Variants in CORO2A observed in about 807,000 individuals in gnomAD.
CORO2A encodes coronin 2A.
In CORO2A, 47 loss-of-function variants were observed where a neutral mutation model predicts 62.4. That is an observed-to-expected ratio of 0.75 (90% CI 0.60 to 0.96). CORO2A has a LOEUF of 0.96. Ranked by LOEUF, CORO2A falls within the 40% of genes least tolerant of loss-of-function variation. The probability of loss-of-function intolerance (pLI) is 0.00; values close to 1 mark genes in which losing one functional copy is unlikely to be tolerated. For synonymous variants in CORO2A, 273 were observed against 268.9 expected, an observed-to-expected ratio of 1.02 and a Z score of -0.15; for missense variants, 610 against 684.1, an observed-to-expected ratio of 0.89 and a Z score of 1.21.
chr9:98,184,227 A>AT (rs1228220012), intron 1 of CORO2A, among the ~76,000 whole-genome samples: 1 of 135,826 alleles, frequency 7.4e-6, no homozygotes, highest in Non-Finnish European at 1.5e-5. Context: ...AAATTATTTT[A>AT]TTTTATTTTT....
At chr9:98,166,048 C>T (rs1391502947) in intron 1 of CORO2A, among the ~76,000 whole-genome samples, 2 of 152,208 alleles carry the variant, frequency 1.3e-5, no homozygotes, top group East Asian at 1.9e-4. Context: ...GGAAACACTA[C>T]TTATAAAGTG....
At chr9:98,130,375 C>T (rs1430285077) in intron 7 of CORO2A, among the ~76,000 whole-genome samples, 2 of 152,234 alleles carry the variant, frequency 1.3e-5, no homozygotes, top group Admixed American at 6.5e-5. Context: ...GCATGAGCCA[C>T]TGTGCTGGGC....
chr9:98,130,886 G>A, intron 7 of CORO2A, 69 bp downstream of exon 7: 4 of 1,307,244 alleles, frequency 3.1e-6, no homozygotes, highest in East Asian at 2.5e-5. Flanking sequence ...TGTTCCCAAT[G>A]GCCCCAGGCT....
At chr9:98,165,506 G>T (rs989039248) in intron 1 of CORO2A, among the ~76,000 whole-genome samples, 1 of 152,192 alleles carries the variant, frequency 6.6e-6, no homozygotes, top group Non-Finnish European at 1.5e-5. Context: ...AGCAGGGCTC[G>T]GAGGGGTCAG....
intron 1 of CORO2A, among the ~76,000 whole-genome samples, chr9:98,190,071 G>C (rs1828288293): frequency 6.6e-6 from 1 of 152,102 alleles, no homozygotes; most frequent in Non-Finnish European, 1.5e-5. Flanking sequence ...TTTTAGTACA[G>C]ACAGGATTTC....
chr9:98,172,076 A>C (rs1828044546), intron 1 of CORO2A, among the ~76,000 whole-genome samples: 1 of 151,812 alleles, frequency 6.6e-6, no homozygotes, highest in South Asian at 2.1e-4. Flanking sequence ...GGAGGGAGAG[A>C]ATTCTGAGGC....
chr9:98,191,672 T>C (rs1283008305), intron 1 of CORO2A, among the ~76,000 whole-genome samples: 1 of 152,282 alleles, frequency 6.6e-6, no homozygotes, highest in Middle Eastern at 3.4e-3. Flanking sequence ...ATAGGTCTTC[T>C]TTACCTAGGG....
At chr9:98,127,353 G>T (rs970604843) in intron 10 of CORO2A, among the ~76,000 whole-genome samples, 13 of 152,184 alleles carry the variant, frequency 8.5e-5, no homozygotes, top group Admixed American at 5.9e-4. Flanking sequence ...TGGGGTGGGG[G>T]TGAAGGAAGT....
chr9:98,166,135 T>G (rs1372088165), intron 1 of CORO2A, among the ~76,000 whole-genome samples: 1 of 152,212 alleles, frequency 6.6e-6, no homozygotes, highest in African/African-American at 2.4e-5. Flanking sequence ...GAGAAACATG[T>G]TAACAGCCAC....
At chr9:98,145,272 C>T (rs982718045) in intron 2 of CORO2A, among the ~76,000 whole-genome samples, 1 of 152,166 alleles carries the variant, frequency 6.6e-6, no homozygotes, top group Non-Finnish European at 1.5e-5. Context: ...ATGTTTCCTA[C>T]TTCGAGCCCA....
intron 10 of CORO2A, 112 bp from the exon 11 acceptor site, chr9:98,126,935 T>C (rs1827330400): frequency 8.4e-7 from 1 of 1,188,248 alleles, no homozygotes; most frequent in South Asian, 1.3e-5. Context: ...TGCAGACCCA[T>C]GCAACATGTG....
chr9:98,126,618 C>T lies in CORO2A; in HGVS notation c.1377G>A (p.Glu459=). 6.2e-7 allele frequency: 1 copy of T among 1,614,206 alleles called. No individual in the cohort carries two copies. Among genetic ancestry groups the T allele is most frequent in the East Asian group, 2.2e-5 (1 of 44,886 alleles). The change falls in exon 11 of 12, where the codon GAG becomes GAA. Residue 459 remains glutamate (E), a synonymous_variant. Coordinates refer to ENST00000375077, the MANE Select transcript of CORO2A (RefSeq NM_052820.4). ...MPRWAAEHRL[E]EKKTWLTNGF... ...CATTTGTCAGCCAGGTTTTCTTCTCCTCCAGCCTGTGTTCTGCTGCCCACC... is the reference window on the plus strand; with the variant it reads ...CATTTGTCAGCCAGGTTTTCTTCTCTTCCAGCCTGTGTTCTGCTGCCCACC...
intron 8 of CORO2A, 105 bp from the exon 9 acceptor site, chr9:98,128,824 TC>T: frequency 1.2e-6 from 1 of 852,674 alleles, no homozygotes; most frequent in Non-Finnish European, 1.9e-6. Flanking sequence ...ACCAGTCTCC[TC>T]CCAGAAAACA....
chr9:98,185,092 T>A (rs1828222176), intron 1 of CORO2A, among the ~76,000 whole-genome samples: 1 of 152,144 alleles, frequency 6.6e-6, no homozygotes, highest in African/African-American at 2.4e-5. Context: ...CTACCCTTCA[T>A]AGTCTGGCCG....
At chr9:98,135,072 GCCACCTC>G in intron 3 of CORO2A, 117 bp from the exon 4 acceptor site, 2 of 1,335,828 alleles carry the variant, frequency 1.5e-6, no homozygotes, top group South Asian at 1.4e-5. Context: ...TCTCTCCATA[GCCACCTC>G]CCACTCAGTG....
intron 1 of CORO2A, among the ~76,000 whole-genome samples, chr9:98,189,713 G>C (rs546080384): frequency 6.6e-6 from 1 of 152,238 alleles, no homozygotes; most frequent in African/African-American, 2.4e-5. Flanking sequence ...TGGAATCTAT[G>C]TCTGCTGACT....
chr9:98,180,425 G>A (rs1053813641), intron 1 of CORO2A, among the ~76,000 whole-genome samples: 3 of 151,800 alleles, frequency 2.0e-5, no homozygotes, highest in Non-Finnish European at 2.9e-5. Context: ...CTCACATCAC[G>A]TTTTCATCTC....
intron 1 of CORO2A, among the ~76,000 whole-genome samples, chr9:98,173,642 C>T (rs147556232): frequency 7.2e-5 from 11 of 152,282 alleles, no homozygotes; most frequent in Admixed American, 3.3e-4. Context: ...GCTCCACAGC[C>T]GGAACAAAAT....
intron 2 of CORO2A, among the ~76,000 whole-genome samples, chr9:98,141,908 A>G (rs923588647): frequency 1.3e-5 from 2 of 151,974 alleles, no homozygotes; most frequent in Non-Finnish European, 2.9e-5. Context: ...TATTATATGT[A>G]TATGTATGTA....
Sources: gnomAD v4.1 joint callset for allele counts (sites outside exome capture counted in the v4.1 genomes callset) on GRCh38, gnomAD v4.1.1 for gene constraint, MANE v1.5 for transcripts, NCBI Gene and HGNC (gene_info 2026-07-23, HGNC 2026-07-21) for gene names.